STK33: variants seen among roughly 807,000 people sequenced by gnomAD.
STK33 encodes serine/threonine kinase 33, also known as serine/threonine-protein kinase 33.
A neutral mutation model predicts 58.0 loss-of-function variants in STK33; 52 were observed. The ratio of observed to expected loss-of-function variants is 0.90; its 90% CI spans 0.72 to 1.13. The LOEUF is 1.13. STK33 is among the 50% of genes most tolerant of loss of function. STK33 has a pLI of 0.00. For synonymous variants in STK33, 215 were observed against 200.1 expected, an observed-to-expected ratio of 1.07 and a Z score of -0.63; for missense variants, 630 against 604.2, an observed-to-expected ratio of 1.04 and a Z score of -0.45.
the STK33 span, among the ~76,000 whole-genome samples, chr11:8,386,750 G>A: frequency 6.6e-6 from 1 of 152,204 alleles, no homozygotes; most frequent in Non-Finnish European, 1.5e-5. Flanking sequence ...AGTGAGCAAT[G>A]GCAAAAGCTA....
At chr11:8,407,890 A>G (rs1308410255) in intron 15 of STK33, among the ~76,000 whole-genome samples, 1 of 152,206 alleles carries the variant, frequency 6.6e-6, no homozygotes, top group Non-Finnish European at 1.5e-5. Context: ...TAGCAATAGC[A>G]TTGTTAAACT....
chr11:8,348,699 C>T, the STK33 span, among the ~76,000 whole-genome samples: 1 of 152,144 alleles, frequency 6.6e-6, no homozygotes, highest in Non-Finnish European at 1.5e-5. Flanking sequence ...CTTAGAAAAC[C>T]TTCTCTGTCT....
chr11:8,544,791 A>G (rs1200811384), intron 1 of STK33, among the ~76,000 whole-genome samples: 1 of 152,178 alleles, frequency 6.6e-6, no homozygotes, highest in East Asian at 1.9e-4. Flanking sequence ...TGGATAAATT[A>G]CAAACACTAA....
chr11:8,580,158 T>C (rs912708405), intron 1 of STK33, among the ~76,000 whole-genome samples: 3 of 152,072 alleles, frequency 2.0e-5, no homozygotes, highest in African/African-American at 7.2e-5. Context: ...GAAGAAATAT[T>C]TGCAATCCCA....
At chr11:8,550,197 A>C (rs913181997) in intron 1 of STK33, among the ~76,000 whole-genome samples, 7 of 152,248 alleles carry the variant, frequency 4.6e-5, no homozygotes, top group African/African-American at 1.7e-4. Context: ...TTACAAAAAT[A>C]CTTCTGTTTG....
At chr11:8,437,344 A>G (rs1944202081) in intron 12 of STK33, among the ~76,000 whole-genome samples, 3 of 152,214 alleles carry the variant, frequency 2.0e-5, no homozygotes, top group Admixed American at 2.0e-4. Context: ...AGCTGAGTTC[A>G]ATTCTTCATA....
At chr11:8,422,535 A>G (rs1942076730) in intron 14 of STK33, among the ~76,000 whole-genome samples, 1 of 152,150 alleles carries the variant, frequency 6.6e-6, no homozygotes, top group African/African-American at 2.4e-5. Context: ...GTTTAAGATG[A>G]AAGTATGGTA....
chr11:8,567,065 A>G lies in STK33; in HGVS notation c.-466+27018T>C, dbSNP rs557703011. Among the ~76,000 whole-genome samples the G allele has an allele frequency of 5.9e-5, 9 of 152,178 alleles. No homozygotes were observed. In the East Asian group the frequency reaches 1.7e-3, roughly 29 times the overall value. Reference sequence around the variant, plus strand: ...TGAGGTGGGAGGACTGCTTGAGCCCAGGAGGTAGAGGTTGCAGTGATCCAA... The same window carrying G: ...TGAGGTGGGAGGACTGCTTGAGCCCGGGAGGTAGAGGTTGCAGTGATCCAA... On this transcript the variant is annotated intron_variant, in intron 1 of 15. Coordinates refer to ENST00000687296, the MANE Select transcript of STK33 (RefSeq NM_001352389.2).
At chr11:8,373,312 G>A in the STK33 span, among the ~76,000 whole-genome samples, 2 of 152,224 alleles carry the variant, frequency 1.3e-5, no homozygotes, top group Non-Finnish European at 2.9e-5. Flanking sequence ...ACAGACTCCA[G>A]CTCTTGATGA....
chr11:8,587,275 C>T (rs1283270975), intron 1 of STK33, among the ~76,000 whole-genome samples: 1 of 152,018 alleles, frequency 6.6e-6, no homozygotes, highest in Non-Finnish European at 1.5e-5. Flanking sequence ...GGATGGGAAA[C>T]TAGTATTTAT....
chr11:8,484,189 C>T (rs1284919441), intron 1 of STK33, among the ~76,000 whole-genome samples: 1 of 152,202 alleles, frequency 6.6e-6, no homozygotes, highest in Non-Finnish European at 1.5e-5. Flanking sequence ...TCAGCCCCCA[C>T]ATATGCAACA....
chr11:8,455,559 A>AGCACTGTGG (rs1345047269), intron 9 of STK33, among the ~76,000 whole-genome samples: 1 of 152,200 alleles, frequency 6.6e-6, no homozygotes, highest in Non-Finnish European at 1.5e-5. Flanking sequence ...CTATAATCCC[A>AGCACTGTGG]GCACTGTGGG....
chr11:8,425,204 G>A (rs1445579008), intron 14 of STK33, among the ~76,000 whole-genome samples: 1 of 152,076 alleles, frequency 6.6e-6, no homozygotes, highest in African/African-American at 2.4e-5. Flanking sequence ...TTCTACATAT[G>A]GCTAGCAGGT....
At chr11:8,357,429 G>C in the STK33 span, among the ~76,000 whole-genome samples, 1 of 152,258 alleles carries the variant, frequency 6.6e-6, no homozygotes, top group Admixed American at 6.5e-5. Flanking sequence ...GAAAGGCCTT[G>C]AAATATAAAT....
the STK33 span, among the ~76,000 whole-genome samples, chr11:8,372,963 C>A: frequency 6.6e-6 from 1 of 152,292 alleles, no homozygotes; most frequent in African/African-American, 2.4e-5. Context: ...TGGGAAAAGA[C>A]CCCATGCAGC....
At chr11:8,544,357 ATATG>A (rs1026454547) in intron 1 of STK33, among the ~76,000 whole-genome samples, 50 of 148,074 alleles carry the variant, frequency 3.4e-4, no homozygotes, top group African/African-American at 1.0e-3. Flanking sequence ...ATAATTATAT[ATATG>A]TAATACATGT....
chr11:8,575,402 C>A (rs535851343), intron 1 of STK33, among the ~76,000 whole-genome samples: 142 of 152,258 alleles, frequency 9.3e-4, no homozygotes, highest in African/African-American at 3.3e-3. Context: ...TATACGGACA[C>A]AAGGGACTAT....
At position 8,473,284 on chromosome 11, in the gene STK33, C is replaced by CAAA; in HGVS notation, c.226-11_226-9dup. 1 of 1,350,252 alleles carries CAAA rather than the reference C, an allele frequency of 7.4e-7. No homozygotes were observed. Among genetic ancestry groups the CAAA allele is most frequent in the Non-Finnish European group, 1.0e-6 (1 of 997,350 alleles). The allele number at this position is 1,350,252 out of a possible 1,614,324, so 83.6% of individuals were successfully genotyped here. ...ATTTGAGGTTCTTGAGGGCTGGGAC[C>CAAA]AAAAAAAAAATTAAAAAAAAAAAAC... On this transcript the variant is annotated splice_polypyrimidine_tract_variant and intron_variant, in intron 5 of 15. Coordinates refer to ENST00000687296, the MANE Select transcript of STK33 (RefSeq NM_001352389.2).
intron 10 of STK33, 50 bp downstream of exon 10, chr11:8,454,694 T>G: frequency 6.6e-7 from 1 of 1,519,038 alleles, no homozygotes. Flanking sequence ...TTTGCCACTT[T>G]GCTATCAAAC....
Sources: allele counts gnomAD v4.1 joint callset (sites outside exome capture counted in the v4.1 genomes callset), GRCh38; gene constraint gnomAD v4.1.1; transcripts MANE v1.5; gene names NCBI Gene and HGNC (gene_info 2026-07-23, HGNC 2026-07-21).